The following TP53BP2 variants were observed in gnomAD, a reference collection of about 807,000 sequenced individuals.
The protein encoded by TP53BP2 is apoptosis-stimulating of p53 protein 2.
A neutral mutation model predicts 126.2 loss-of-function variants in TP53BP2; 62 were observed. That is an observed-to-expected ratio of 0.49 (90% CI 0.40 to 0.61). The LOEUF is 0.61. Ranked by LOEUF, TP53BP2 falls within the 20% of genes least tolerant of loss-of-function variation. The pLI, the probability that TP53BP2 is intolerant of heterozygous loss-of-function variation, is 0.00. For missense variants in TP53BP2, 1,215 were observed against 1,402.8 expected, an observed-to-expected ratio of 0.87 and a Z score of 2.14; for synonymous variants, 485 against 502.9, an observed-to-expected ratio of 0.96 and a Z score of 0.48.
At position 223,818,616 on chromosome 1, in the gene TP53BP2, CTGGAG is replaced by C. The variant is rs1324834262; in HGVS notation, c.175+2599_175+2603del. Among the ~76,000 whole-genome samples, 4 of 150,922 alleles carry C rather than the reference CTGGAG, an allele frequency of 2.7e-5. No homozygotes were observed. In the East Asian group the frequency reaches 6.1e-4, roughly 23 times the overall value. On this transcript the variant is annotated intron_variant, in intron 2 of 17. Coordinates refer to ENST00000343537, the MANE Select transcript of TP53BP2 (RefSeq NM_001031685.3). The stretch of plus-strand genomic sequence containing the variant: ...AGACAGAATCTTGCTGTCACCCAGG[CTGGAG>C]TGGAGTGGAGTTGTGCGATCTCAGC...
rs111733425 is a variant in TP53BP2 at position 223,798,917 on chromosome 1, C to T, written c.1486-240G>A. Reference sequence around the variant, plus strand: ...AAACCCCGTCTCTACTAAAAAAATACAAAAATCAGCCAGGCATGGTGGCGG... The same window carrying T: ...AAACCCCGTCTCTACTAAAAAAATATAAAAATCAGCCAGGCATGGTGGCGG... On this transcript the variant is annotated intron_variant, in intron 11 of 17. Transcript: ENST00000343537. 1.4e-4 allele frequency among the ~76,000 whole-genome samples: 21 copies of T among 151,720 alleles called. 1 individual carries two copies. Among genetic ancestry groups the T allele is most frequent in the Admixed American group, 1.4e-3 (21 of 15,222 alleles).
chr1:223,834,257 T>C (rs1663844517), intron 1 of TP53BP2, among the ~76,000 whole-genome samples: 1 of 152,160 alleles, frequency 6.6e-6, no homozygotes, highest in South Asian at 2.1e-4. Context: ...AGCATAAGCA[T>C]CACCTGGGAA....
At chr1:223,787,816 T>C (rs1314810058) in intron 16 of TP53BP2, among the ~76,000 whole-genome samples, 2 of 151,318 alleles carry the variant, frequency 1.3e-5, no homozygotes, top group Admixed American at 6.7e-5. Context: ...CAGTCAAGGC[T>C]GCAGTGAGCT....
chr1:223,807,104 C>A (rs181959999), intron 4 of TP53BP2, among the ~76,000 whole-genome samples, 157 bp from the exon 5 acceptor site: 47 of 152,240 alleles, frequency 3.1e-4, no homozygotes, highest in Middle Eastern at 3.4e-3. Flanking sequence ...ACCATTAATT[C>A]TTATATTAAT....
In TP53BP2 at chr1:223,802,209, G is replaced by A. The variant is rs957094088; in HGVS notation, c.1132C>T (p.Pro378Ser). 3 of 1,614,230 alleles carry A rather than the reference G, an allele frequency of 1.9e-6. No individual in the cohort carries two copies. The highest frequency in any genetic ancestry group is 2.7e-5 in the African/African-American group (2 of 75,068). ...RPELLVKPAL[P>S]DGSLVIQASE... Reference sequence around the variant, plus strand: ...GCCTGAATGACCAAGGAACCATCCGGCAGGGCTGGCTTCACCAGCAATTCA... The same window carrying A: ...GCCTGAATGACCAAGGAACCATCCGACAGGGCTGGCTTCACCAGCAATTCA... The change falls in exon 9 of 18, where the codon CCG becomes TCG. Residue 378 changes from proline (P) to serine (S), a missense_variant. Transcript: ENST00000343537.
intron 3 of TP53BP2, among the ~76,000 whole-genome samples, chr1:223,813,682 G>A (rs534145746): frequency 2.0e-4 from 31 of 152,184 alleles, no homozygotes; most frequent in Middle Eastern, 3.4e-3. Flanking sequence ...GACCACCACT[G>A]GAGAAAAATC....
intron 1 of TP53BP2, among the ~76,000 whole-genome samples, chr1:223,829,935 A>G (rs934350072): frequency 6.6e-6 from 1 of 152,194 alleles, no homozygotes; most frequent in Admixed American, 6.5e-5. Context: ...CTTTGAACTT[A>G]GAAATCAGGA....
At position 223,845,780 on chromosome 1, in the gene TP53BP2, T is replaced by G; in HGVS notation, c.-100A>C. On this transcript the variant is annotated 5_prime_UTR_variant, in exon 1 of 18. Transcript: ENST00000343537. ...CGGAGAGCGAGGCCGCCCGGACCTG[T>G]TGCGAGGCGGCGGCGGCGGCAGCGG... The G allele has an allele frequency of 1.7e-6, 2 of 1,171,306 alleles. No homozygotes were observed. The highest frequency in any genetic ancestry group is 2.1e-6 in the Non-Finnish European group (2 of 930,442). The allele number at this position is 1,171,306 out of a possible 1,614,324, so 72.6% of individuals were successfully genotyped here. A position where few individuals can be genotyped will look rare whatever the true frequency, so the allele number is the denominator to read the frequency against.
intron 13 of TP53BP2, 23 bp downstream of exon 13, chr1:223,795,792 C>T: frequency 3.4e-6 from 5 of 1,471,518 alleles, no homozygotes; most frequent in Non-Finnish European, 3.6e-6. Context: ...CCGGAAAAGG[C>T]TATGAGATAG....
At chr1:223,843,473 T>G (rs1664171481) in intron 1 of TP53BP2, among the ~76,000 whole-genome samples, 2 of 152,208 alleles carry the variant, frequency 1.3e-5, no homozygotes, top group African/African-American at 4.8e-5. Context: ...CTGGCCTATT[T>G]GCACATTTTT....
chr1:223,840,416 C>T (rs981558724), intron 1 of TP53BP2, among the ~76,000 whole-genome samples: 7 of 152,176 alleles, frequency 4.6e-5, no homozygotes, highest in African/African-American at 1.4e-4. Context: ...TAATGTGTGG[C>T]TTAAGTGGCA....
chr1:223,798,301 T>C lies in TP53BP2; in HGVS notation c.1862A>G (p.Gln621Arg). The change falls in exon 12 of 18, where the codon CAA (glutamine) becomes CGA (arginine). Residue 621 changes from glutamine (Q) to arginine (R), a missense_variant. By Grantham distance (43) the Gln-to-Arg change is conservative. Around this residue, in one of 4 missense-constraint regions of TP53BP2, gnomAD observed 814 missense variants for 853.0 expected, o/e 0.95. Coordinates refer to ENST00000343537, the MANE Select transcript of TP53BP2 (RefSeq NM_001031685.3). ...AASSIYSMYT[Q>R]QQAPGKNFQQ... ...GAAGTTTTTTCCTGGCGCCTGCTGT[T>C]GCGTATACATGGAATATATTGAACT... The C allele has an allele frequency of 1.2e-6, 2 of 1,614,178 alleles. No homozygotes were observed. The highest frequency in any genetic ancestry group is 1.7e-6 in the Non-Finnish European group (2 of 1,180,022).
chr1:223,793,225 T>C (rs1662209804), intron 14 of TP53BP2, 78 bp downstream of exon 14: 3 of 1,104,114 alleles, frequency 2.7e-6, no homozygotes, highest in Non-Finnish European at 3.6e-6. Flanking sequence ...ATTTTAAAAA[T>C]TTACTAATTA....
At chr1:223,801,433 G>C (rs1010124697) in intron 9 of TP53BP2, among the ~76,000 whole-genome samples, 11 of 152,166 alleles carry the variant, frequency 7.2e-5, no homozygotes, top group African/African-American at 2.4e-4. Context: ...TAAGAGAACA[G>C]AGACAATACT....
At chr1:223,823,485 C>T (rs140088879) in intron 1 of TP53BP2, among the ~76,000 whole-genome samples, 1 of 152,310 alleles carries the variant, frequency 6.6e-6, no homozygotes, top group East Asian at 1.9e-4. Flanking sequence ...ATAGTGAACA[C>T]TGTTGAAACA....
chr1:223,783,188 T>C (rs572552060), intron 17 of TP53BP2, among the ~76,000 whole-genome samples: 1 of 152,308 alleles, frequency 6.6e-6, no homozygotes, highest in Non-Finnish European at 1.5e-5. Flanking sequence ...ACATCTACCA[T>C]TTGCTCTCTA....
At chr1:223,791,158 G>A (rs1662141867) in intron 15 of TP53BP2, among the ~76,000 whole-genome samples, 1 of 152,060 alleles carries the variant, frequency 6.6e-6, no homozygotes, top group South Asian at 2.1e-4. Flanking sequence ...CAAGTACGGT[G>A]GCTCATACCT....
chr1:223,803,283 A>G lies in TP53BP2; in HGVS notation c.819T>C (p.Tyr273=), dbSNP rs775774824. The G allele has an allele frequency of 6.2e-7, 1 of 1,611,684 alleles. No individual in the cohort carries two copies. The highest frequency in any genetic ancestry group is 1.7e-5 in the Admixed American group (1 of 59,742). ...AGCTACGGTCTACCTGCAGCTCCTT[A>G]TAGAGGCGATCAAGCTCAGCCACTG... The part of the protein sequence containing the change: ...QSAVAELDRL[Y]KELQLRNKLN... The change falls in exon 7 of 18, where the codon TAT becomes TAC. Residue 273 remains tyrosine (Y), a synonymous_variant. Coordinates refer to ENST00000343537, the MANE Select transcript of TP53BP2 (RefSeq NM_001031685.3).
chr1:223,798,042 G>A (rs1055570675), intron 12 of TP53BP2, among the ~76,000 whole-genome samples, 173 bp downstream of exon 12: 1 of 152,076 alleles, frequency 6.6e-6, no homozygotes, highest in Non-Finnish European at 1.5e-5. Flanking sequence ...ACTACTGTAG[G>A]AGCAGACATT....
Sources: allele counts gnomAD v4.1 joint callset (sites outside exome capture counted in the v4.1 genomes callset), GRCh38; gene constraint gnomAD v4.1.1; regional missense constraint gnomAD v4.1.1; transcripts MANE v1.5; gene names NCBI Gene and HGNC (gene_info 2026-07-23, HGNC 2026-07-21).